Variants in PARD3 observed in about 807,000 individuals in gnomAD.
The protein encoded by PARD3 is par-3 family cell polarity regulator.
Under a neutral mutation model 155.4 loss-of-function variants are expected in PARD3, and 75 were observed. The ratio of observed to expected loss-of-function variants is 0.48; its 90% CI spans 0.40 to 0.58. The LOEUF (loss-of-function observed/expected upper bound fraction) is 0.58. Among genes scored for constraint, PARD3 ranks in the 20% least tolerant of loss-of-function variants. The pLI, the probability that PARD3 is intolerant of heterozygous loss-of-function variation, is 0.00. For synonymous variants in PARD3, 576 were observed against 610.5 expected (o/e 0.94, Z 0.83); for missense variants, 1,642 against 1,721.7 (o/e 0.95, Z 0.82).
chr10:34,449,387 C>T (rs577976585), intron 5 of PARD3, among the ~76,000 whole-genome samples: 1 of 143,886 alleles, frequency 6.9e-6, no homozygotes, highest in Non-Finnish European at 1.5e-5. Flanking sequence ...TACAAAAAAC[C>T]CATTGTGAGT....
At chr10:34,310,020 C>T (rs868533772) in intron 20 of PARD3, among the ~76,000 whole-genome samples, 9 of 151,914 alleles carry the variant, frequency 5.9e-5, no homozygotes, top group South Asian at 2.1e-4. Flanking sequence ...AAACATAGGT[C>T]AGAAGAAAAC....
At chr10:34,291,722 A>C (rs1185883366) in intron 20 of PARD3, among the ~76,000 whole-genome samples, 4 of 152,212 alleles carry the variant, frequency 2.6e-5, no homozygotes, top group African/African-American at 9.6e-5. Context: ...TCTCATACTG[A>C]AAGTAGCTGG....
intron 2 of PARD3, among the ~76,000 whole-genome samples, chr10:34,652,856 G>A (rs558195997): frequency 2.0e-5 from 3 of 152,314 alleles, no homozygotes; most frequent in South Asian, 2.1e-4. Flanking sequence ...AAAGTTAACA[G>A]TGCGTAAGTG....
chr10:34,665,846 AGAACAGAACAGAACAGAACAGAAC>A (rs1564479571), intron 2 of PARD3, among the ~76,000 whole-genome samples: 813 of 57,820 alleles, frequency 0.014, 8 homozygotes, highest in African/African-American at 0.045. Context: ...ATTAAAGAAC[AGAACAGAACAGAACAGAACAGAAC>A]AGAACAGAAC....
intron 22 of PARD3, among the ~76,000 whole-genome samples, chr10:34,175,055 T>A (rs548196866): frequency 1.3e-5 from 2 of 152,276 alleles, no homozygotes; most frequent in African/African-American, 4.8e-5. Context: ...AATGGGGAAG[T>A]TTTTACTAAC....
At chr10:34,464,059 A>G (rs2077851700) in intron 4 of PARD3, among the ~76,000 whole-genome samples, 1 of 151,054 alleles carries the variant, frequency 6.6e-6, no homozygotes, top group Non-Finnish European at 1.5e-5. Context: ...CTATATTCCT[A>G]TTTGCTCTCC....
At chr10:34,634,406 A>ATTG (rs2092393510) in intron 2 of PARD3, among the ~76,000 whole-genome samples, 4 of 152,198 alleles carry the variant, frequency 2.6e-5, no homozygotes, top group South Asian at 4.1e-4. Context: ...AAAAAAGATA[A>ATTG]TGTTTTCCCT....
chr10:34,705,979 T>C (rs1466519498), intron 1 of PARD3, among the ~76,000 whole-genome samples: 1 of 152,104 alleles, frequency 6.6e-6, no homozygotes, highest in African/African-American at 2.4e-5. Flanking sequence ...AATCAGCCCA[T>C]CGATGACCTC....
chr10:34,768,612 C>T (rs61840962), intron 1 of PARD3, among the ~76,000 whole-genome samples: 39,918 of 152,156 alleles, frequency 0.26, 5,655 homozygotes, highest in East Asian at 0.54. Context: ...CTTGCCTTTT[C>T]CCTGCTTAGT....
chr10:34,551,197 T>C (rs1168439229), intron 2 of PARD3, among the ~76,000 whole-genome samples: 1 of 152,158 alleles, frequency 6.6e-6, no homozygotes, highest in African/African-American at 2.4e-5. Flanking sequence ...CACATCCGTA[T>C]GTCAAAGGGG....
chr10:34,665,284 G>A (rs1297879322), intron 2 of PARD3, among the ~76,000 whole-genome samples: 2 of 152,034 alleles, frequency 1.3e-5, no homozygotes, highest in Non-Finnish European at 1.5e-5. Context: ...GGCCGAGGCA[G>A]GTGGATCACC....
At chr10:34,212,869 C>G (rs1951822599) in intron 22 of PARD3, among the ~76,000 whole-genome samples, 1 of 152,162 alleles carries the variant, frequency 6.6e-6, no homozygotes, top group Non-Finnish European at 1.5e-5. Context: ...ACCAACACTG[C>G]CACCAAACCT....
chr10:34,748,246 G>A (rs1164650654), intron 1 of PARD3, among the ~76,000 whole-genome samples: 2 of 152,110 alleles, frequency 1.3e-5, no homozygotes, highest in Non-Finnish European at 2.9e-5. Flanking sequence ...GAGGCAGGCA[G>A]ATCACTTGAG....
At chr10:34,115,993 A>G (rs1353664417) in intron 24 of PARD3, among the ~76,000 whole-genome samples, 2 of 152,172 alleles carry the variant, frequency 1.3e-5, no homozygotes, top group Non-Finnish European at 2.9e-5. Context: ...TTACAGGCGT[A>G]AGCCACCACG....
intron 23 of PARD3, among the ~76,000 whole-genome samples, chr10:34,122,701 G>C (rs1947071870): frequency 6.6e-6 from 1 of 152,172 alleles, no homozygotes; most frequent in Middle Eastern, 3.2e-3. Context: ...TACATGACCA[G>C]CCCAGAGCAA....
intron 22 of PARD3, among the ~76,000 whole-genome samples, chr10:34,151,687 T>C (rs2132965230): frequency 6.6e-6 from 1 of 152,314 alleles, no homozygotes; most frequent in South Asian, 2.1e-4. Flanking sequence ...ATCCTCTCCT[T>C]TTCACCACAA....
intron 2 of PARD3, among the ~76,000 whole-genome samples, chr10:34,588,641 C>G (rs1335835834): frequency 1.3e-5 from 2 of 152,148 alleles, no homozygotes; most frequent in Non-Finnish European, 2.9e-5. Flanking sequence ...CTGCCCGATT[C>G]TCCTTGCTTG....
intron 2 of PARD3, among the ~76,000 whole-genome samples, chr10:34,646,157 A>G (rs1313379765): frequency 6.6e-6 from 1 of 152,250 alleles, no homozygotes; most frequent in Non-Finnish European, 1.5e-5. Context: ...TTTTACCTAA[A>G]TAAAAACCAT....
chr10:34,196,606 C>T (rs1246903930), intron 22 of PARD3, among the ~76,000 whole-genome samples: 1 of 136,954 alleles, frequency 7.3e-6, no homozygotes, highest in East Asian at 2.1e-4. Context: ...CGGAGTCTCG[C>T]TCTGTCGCCC....
Sources: allele counts gnomAD v4.1 joint callset (sites outside exome capture counted in the v4.1 genomes callset), GRCh38; gene constraint gnomAD v4.1.1; transcripts MANE v1.5; gene names NCBI Gene and HGNC (gene_info 2026-07-23, HGNC 2026-07-21).